The following CDH13 variants were observed in gnomAD, a reference collection of about 807,000 sequenced individuals.
CDH13 encodes the protein cadherin 13, also known as cadherin-13.
A neutral mutation model predicts 63.8 loss-of-function variants in CDH13; 24 were observed. That is an observed-to-expected ratio of 0.38 (90% CI 0.27 to 0.53). The LOEUF is 0.53. CDH13 is among the 20% of genes least tolerant of loss of function. The probability of loss-of-function intolerance (pLI) is 0.85; values close to 1 mark genes in which losing one functional copy is unlikely to be tolerated. For missense variants in CDH13, 1,049 were observed against 903.1 expected (o/e 1.16, Z -2.07); for synonymous variants, 503 against 355.3 (o/e 1.42, Z -4.67).
At chr16:83,408,604 T>C (rs1295660766) in intron 6 of CDH13, among the ~76,000 whole-genome samples, 4 of 152,218 alleles carry the variant, frequency 2.6e-5, no homozygotes, top group African/African-American at 9.6e-5. Flanking sequence ...TCGATTATAA[T>C]CTAATGAGAC....
intron 7 of CDH13, among the ~76,000 whole-genome samples, chr16:83,525,360 A>G (rs2074937996): frequency 6.6e-6 from 1 of 152,252 alleles, no homozygotes; most frequent in Non-Finnish European, 1.5e-5. Flanking sequence ...AAGCTTTAGT[A>G]CAAAGAGAAG....
At chr16:83,451,841 A>C (rs2072895209) in intron 6 of CDH13, among the ~76,000 whole-genome samples, 1 of 152,230 alleles carries the variant, frequency 6.6e-6, no homozygotes, top group Admixed American at 6.5e-5. Context: ...GTACTGAAAT[A>C]TTCTTCCTCC....
intron 6 of CDH13, among the ~76,000 whole-genome samples, chr16:83,444,848 C>G (rs868688477): frequency 0.011 from 2 of 174 alleles, no homozygotes; most frequent in African/African-American, 7.2e-3. Flanking sequence ...TTCCCCAAAT[C>G]AGCAAATCAG....
intron 5 of CDH13, among the ~76,000 whole-genome samples, chr16:83,305,803 C>G (rs1003043905): frequency 1.3e-5 from 2 of 152,042 alleles, no homozygotes; most frequent in Non-Finnish European, 2.9e-5. Context: ...GTAAAGCTAC[C>G]TAGTAGGAGG....
At chr16:83,276,276 G>A (rs761500279) in intron 5 of CDH13, among the ~76,000 whole-genome samples, 6 of 151,964 alleles carry the variant, frequency 3.9e-5, no homozygotes, top group Non-Finnish European at 7.4e-5. Context: ...TCCATTAGGA[G>A]CCCCCCAAGA....
intron 6 of CDH13, among the ~76,000 whole-genome samples, chr16:83,379,614 A>T (rs180936987): frequency 1.6e-4 from 25 of 152,084 alleles, no homozygotes; most frequent in Non-Finnish European, 3.1e-4. Context: ...TGAAATCATG[A>T]TACTATATAT....
intron 1 of CDH13, among the ~76,000 whole-genome samples, chr16:82,680,241 A>G (rs970056441): frequency 6.6e-6 from 1 of 152,230 alleles, no homozygotes; most frequent in African/African-American, 2.4e-5. Context: ...AGTTACTGCC[A>G]TAACTGGCAT....
At chr16:83,390,640 C>T (rs1430648258) in intron 6 of CDH13, among the ~76,000 whole-genome samples, 1 of 152,004 alleles carries the variant, frequency 6.6e-6, no homozygotes, top group Non-Finnish European at 1.5e-5. Flanking sequence ...CCACTGTCTC[C>T]CCACCCCAAC....
intron 1 of CDH13, among the ~76,000 whole-genome samples, chr16:82,641,151 G>A (rs557062710): frequency 2.0e-5 from 3 of 152,268 alleles, no homozygotes; most frequent in South Asian, 2.1e-4. Context: ...GCTCATTTCC[G>A]AATGGTCCCT....
intron 8 of CDH13, among the ~76,000 whole-genome samples, chr16:83,659,435 C>T (rs974166407): frequency 6.6e-6 from 1 of 152,266 alleles, no homozygotes; most frequent in Non-Finnish European, 1.5e-5. Flanking sequence ...GGTCCCAACA[C>T]AAGTTAGAAT....
chr16:83,775,584 T>A (rs1336317460), intron 11 of CDH13, among the ~76,000 whole-genome samples: 1 of 152,048 alleles, frequency 6.6e-6, no homozygotes, highest in African/African-American at 2.4e-5. Context: ...CTAGCTCCAT[T>A]TCTGGGTGTT....
chr16:82,914,974 A>T (rs1030001777), intron 2 of CDH13, among the ~76,000 whole-genome samples: 1 of 152,224 alleles, frequency 6.6e-6, no homozygotes, highest in East Asian at 1.9e-4. Context: ...TCCACACTTA[A>T]CAGGGACAGT....
At chr16:83,621,958 C>A (rs571561035) in intron 8 of CDH13, among the ~76,000 whole-genome samples, 2 of 152,112 alleles carry the variant, frequency 1.3e-5, no homozygotes, top group African/African-American at 4.8e-5. Context: ...CTTTCAATAG[C>A]CAGTGAAGTT....
chr16:83,147,461 G>A (rs2036799033), intron 4 of CDH13, among the ~76,000 whole-genome samples: 1 of 152,130 alleles, frequency 6.6e-6, no homozygotes, highest in Non-Finnish European at 1.5e-5. Context: ...AAGCTTCTCT[G>A]TGTGACCTCA....
intron 4 of CDH13, among the ~76,000 whole-genome samples, chr16:83,165,236 CT>C (rs1342197906): frequency 1.3e-5 from 2 of 152,086 alleles, no homozygotes; most frequent in Admixed American, 6.6e-5. Flanking sequence ...GAGTATACCC[CT>C]ACAACTGATC....
At chr16:82,694,891 C>T (rs1382133122) in intron 1 of CDH13, among the ~76,000 whole-genome samples, 1 of 152,122 alleles carries the variant, frequency 6.6e-6, no homozygotes, top group Non-Finnish European at 1.5e-5. Context: ...CTTGGGTATT[C>T]TTACTGAGCA....
intron 4 of CDH13, among the ~76,000 whole-genome samples, chr16:83,187,506 C>T (rs1183277507): frequency 6.6e-6 from 1 of 152,032 alleles, no homozygotes; most frequent in African/African-American, 2.4e-5. Context: ...TGCTTGGATA[C>T]AGCCTGGCCT....
intron 9 of CDH13, among the ~76,000 whole-genome samples, chr16:83,676,343 C>T (rs532957926): frequency 4.7e-4 from 72 of 152,188 alleles, no homozygotes; most frequent in East Asian, 7.7e-4. Flanking sequence ...CCTTGGGGGA[C>T]TGGGGTGCTC....
intron 10 of CDH13, among the ~76,000 whole-genome samples, chr16:83,719,105 C>T (rs1909334636): frequency 6.6e-6 from 1 of 152,190 alleles, no homozygotes; most frequent in East Asian, 1.9e-4. Context: ...AAAACCAGCC[C>T]ATTCATCTCT....
Sources: gnomAD v4.1 joint callset for allele counts (sites outside exome capture counted in the v4.1 genomes callset) on GRCh38, gnomAD v4.1.1 for gene constraint, MANE v1.5 for transcripts, NCBI Gene and HGNC (gene_info 2026-07-23, HGNC 2026-07-21) for gene names.